The following CAPRIN1 variants were observed in gnomAD, a reference collection of about 807,000 sequenced individuals.
CAPRIN1 encodes the protein cell cycle associated protein 1, also known as caprin-1.
In CAPRIN1, 29 loss-of-function variants were observed where a neutral mutation model predicts 100.9. The ratio of observed to expected loss-of-function variants is 0.29; its 90% confidence interval spans 0.21 to 0.39. The LOEUF is 0.39. Ranked by LOEUF, CAPRIN1 falls within the 10% of genes least tolerant of loss-of-function variation. CAPRIN1 has a pLI of 1.00. For synonymous variants in CAPRIN1, 338 were observed against 307.5 expected (o/e 1.10, Z -1.04); for missense variants, 795 against 876.7 (o/e 0.91, Z 1.18).
intron 1 of CAPRIN1, 56 bp from the exon 2 acceptor site, chr11:34,052,365 A>T: frequency 1.4e-6 from 2 of 1,428,970 alleles, no homozygotes; most frequent in Non-Finnish European, 1.9e-6. Flanking sequence ...CCGTCTCCTG[A>T]CTGGCCGCTC....
At position 34,082,834 on chromosome 11, in the gene CAPRIN1, C is replaced by T. The variant is rs938381272; in HGVS notation, c.836C>T (p.Pro279Leu). 2.5e-6 allele frequency: 4 copies of T among 1,613,318 alleles called. No homozygotes were observed. Among genetic ancestry groups the T allele is most frequent in the Non-Finnish European group, 3.4e-6 (4 of 1,179,834 alleles). The change falls in exon 8 of 19, where the codon CCA becomes CTA. Residue 279 changes from proline to leucine, a missense_variant. This residue lies in a region of CAPRIN1 where 648 missense variants were observed against 697.9 expected (regional missense o/e 0.93). Transcript: ENST00000341394. ...EDQVPEAEPE[P>L]AEEYTEQSEV... ...TTTTTTAACCTCTTAGAACCTGAGC[C>T]AGCAGAAGAGTACACTGAGCAAAGT...
rs563278534 is a variant in CAPRIN1 at position 34,074,123 on chromosome 11, T to G, written c.367-2113T>G. ...TTCTAACACTTGAATTTTAGGGGGATGCATTCAGACCATAGCACCAAAGGA... is the reference window on the plus strand; with the variant it reads ...TTCTAACACTTGAATTTTAGGGGGAGGCATTCAGACCATAGCACCAAAGGA... On this transcript the variant is annotated intron_variant, in intron 4 of 18. Transcript: ENST00000341394. Among the ~76,000 whole-genome samples, 301 of 152,344 alleles carry G rather than the reference T, an allele frequency of 2.0e-3. 2 individuals carry two copies. Among genetic ancestry groups the G allele is most frequent in the African/African-American group, 6.9e-3 (287 of 41,578 alleles).
intron 2 of CAPRIN1, chr11:34,063,038 C>T (rs910595672): frequency 6.6e-6 from 1 of 151,884 alleles, no homozygotes; most frequent in Non-Finnish European, 1.5e-5. Context: ...AATTTGTTGG[C>T]TATAACAATA....
chr11:34,098,316 A>G, intron 18 of CAPRIN1: 4 of 984,788 alleles, frequency 4.1e-6, no homozygotes, highest in Non-Finnish European at 4.8e-6. Context: ...ACTTTTAAAC[A>G]AAACTCCCAA....
chr11:34,091,196 A>G (rs1373218631), intron 14 of CAPRIN1, among the ~76,000 whole-genome samples: 3 of 152,250 alleles, frequency 2.0e-5, no homozygotes, highest in Non-Finnish European at 4.4e-5. Flanking sequence ...ATAACTTTTG[A>G]TTAATATGTT....
intron 2 of CAPRIN1, 114 bp downstream of exon 2, chr11:34,052,750 C>CCT: frequency 7.1e-7 from 1 of 1,417,900 alleles, no homozygotes; most frequent in Non-Finnish European, 9.6e-7. Flanking sequence ...TACTAGGTCC[C>CCT]CTCCTCCCAC....
At chr11:34,059,958 G>A (rs1439637467) in intron 2 of CAPRIN1, among the ~76,000 whole-genome samples, 3 of 149,864 alleles carry the variant, frequency 2.0e-5, no homozygotes, top group African/African-American at 7.4e-5. Flanking sequence ...CACTTTGGGA[G>A]GCTGAGGCAG....
chr11:34,052,209 G>T (rs926875359), intron 1 of CAPRIN1: 35 of 166,798 alleles, frequency 2.1e-4, no homozygotes, highest in African/African-American at 8.3e-4. Flanking sequence ...GTCGGGGGGC[G>T]GTGCGAGGCC....
intron 7 of CAPRIN1, among the ~76,000 whole-genome samples, chr11:34,080,927 C>T (rs1459663314): frequency 6.6e-6 from 1 of 152,180 alleles, no homozygotes; most frequent in Non-Finnish European, 1.5e-5. Flanking sequence ...CTTTTTCCCC[C>T]TCTTACCACT....
chr11:34,093,500 C>T (rs559969851), intron 15 of CAPRIN1, among the ~76,000 whole-genome samples: 3 of 152,178 alleles, frequency 2.0e-5, no homozygotes, highest in East Asian at 3.9e-4. Context: ...TTTGTCAGCC[C>T]GATTTTGAAA....
intron 2 of CAPRIN1, among the ~76,000 whole-genome samples, chr11:34,068,340 A>C (rs1358592160): frequency 1.3e-5 from 2 of 152,220 alleles, no homozygotes; most frequent in Non-Finnish European, 2.9e-5. Context: ...TCACTTATAC[A>C]GTACTCTTGG....
chr11:34,052,246 C>CGT, intron 1 of CAPRIN1, 175 bp from the exon 2 acceptor site: 2 of 346,276 alleles, frequency 5.8e-6, no homozygotes, highest in Non-Finnish European at 1.0e-5. Context: ...TGGCGGGTCG[C>CGT]GCGCGCGCCC....
At chr11:34,089,089 C>T (rs540587082) in intron 11 of CAPRIN1, among the ~76,000 whole-genome samples, 3 of 151,310 alleles carry the variant, frequency 2.0e-5, no homozygotes, top group Non-Finnish European at 2.9e-5. Flanking sequence ...GGCAACATGG[C>T]GAAACCCTGT....
In CAPRIN1 at chr11:34,052,499, G is replaced by A; in HGVS notation, c.79G>A (p.Glu27Lys). Residue 27 changes from glutamate to lysine, a missense_variant, in exon 2 of 19, where the codon GAG becomes AAG. Transcript: ENST00000341394. The stretch of plus-strand genomic sequence containing the variant: ...ACCGCCGTCGGGTTCCTCCGGGAGT[G>A]AGGCGGCCGCGGGAGCCGGGGCCGC... ...PPPPSGSSGS[E>K]AAAGAGAAAP... The A allele has an allele frequency of 1.2e-6, 2 of 1,606,044 alleles. No homozygotes were observed. The highest frequency in any genetic ancestry group is 1.7e-6 in the Non-Finnish European group (2 of 1,177,362).
At position 34,091,916 on chromosome 11, in the gene CAPRIN1, T is replaced by C. The variant is rs757843049; in HGVS notation, c.1565T>C (p.Met522Thr). 15 of 1,611,778 alleles carry C rather than the reference T, an allele frequency of 9.3e-6. No individual in the cohort carries two copies. Among genetic ancestry groups the C allele is most frequent in the Non-Finnish European group, 1.2e-5 (14 of 1,179,246 alleles). Residue 522 changes from methionine (M) to threonine (T), a missense_variant, in exon 15 of 19, where the codon ATG (methionine) becomes ACG (threonine). Around this residue, in one of 3 missense-constraint regions of CAPRIN1, gnomAD observed 648 missense variants for 697.9 expected, o/e 0.93. Transcript: ENST00000341394. ...PFQSMQTVFNMNAPVPPVNEP... is the reference protein window; with the variant it reads ...PFQSMQTVFNTNAPVPPVNEP... The stretch of plus-strand genomic sequence containing the variant: ...TTTATTTACTAACAGGTGTTCAATA[T>C]GAATGCCCCAGTTCCTCCTGTTAAT...
At chr11:34,073,839 A>C (rs1565088981) in intron 4 of CAPRIN1, among the ~76,000 whole-genome samples, 1 of 152,218 alleles carries the variant, frequency 6.6e-6, no homozygotes, top group Non-Finnish European at 1.5e-5. Context: ...ACTTTGTGTT[A>C]CTATAATGGA....
rs78618393 is a variant in CAPRIN1, at chr11:34,074,457, C to A, written c.367-1779C>A. Among the ~76,000 whole-genome samples, 839 of 152,302 alleles carry A rather than the reference C, an allele frequency of 5.5e-3. 8 individuals are homozygous for A. The highest frequency in any genetic ancestry group is 0.019 in the African/African-American group (805 of 41,578). ...CTTCTTTAGCCTGGCTCCAGCCTAC[C>A]TTTTCACCTTTTTCCTTCTTGAACT... On this transcript the variant is annotated intron_variant, in intron 4 of 18. Coordinates refer to ENST00000341394, the MANE Select transcript of CAPRIN1 (RefSeq NM_005898.5).
chr11:34,066,870 GATCC>G (rs1188232778), intron 2 of CAPRIN1, among the ~76,000 whole-genome samples: 1 of 149,276 alleles, frequency 6.7e-6, no homozygotes, highest in Non-Finnish European at 1.5e-5. Context: ...TTGACCTTGT[GATCC>G]ACCCGCCTCA....
At chr11:34,096,778 A>G (rs903950132) in intron 16 of CAPRIN1, 105 bp downstream of exon 16, 8 of 758,654 alleles carry the variant, frequency 1.1e-5, no homozygotes, top group Non-Finnish European at 1.5e-5. Flanking sequence ...TATCTGCATT[A>G]GCCTCCTATG....
Sources: allele counts gnomAD v4.1 joint callset (sites outside exome capture counted in the v4.1 genomes callset), GRCh38; gene constraint gnomAD v4.1.1; regional missense constraint gnomAD v4.1.1; transcripts MANE v1.5; gene names NCBI Gene and HGNC (gene_info 2026-07-23, HGNC 2026-07-21).